NME9: variants seen among roughly 807,000 people sequenced by gnomAD.
The protein encoded by NME9 is NME/NM23 family member 9.
In NME9, 48 loss-of-function variants were observed where a neutral mutation model predicts 44.4. That is an observed-to-expected ratio of 1.08 (90% CI 0.86 to 1.37). The LOEUF (loss-of-function observed/expected upper bound fraction) is 1.37. NME9 is among the 40% of genes most tolerant of loss of function. NME9 has a pLI of 0.00. For synonymous variants in NME9, 139 were observed against 147.1 expected, an observed-to-expected ratio of 0.94 and a Z score of 0.40; for missense variants, 325 against 405.2, an observed-to-expected ratio of 0.80 and a Z score of 1.70.
chr3:138,305,920 C>G, intron 8 of NME9, 84 bp downstream of exon 8: 1 of 943,508 alleles, frequency 1.1e-6, no homozygotes, highest in African/African-American at 1.6e-5. Context: ...TTTCTTCTGT[C>G]ACAAACTGAT....
At chr3:138,294,199 G>A (rs1010231654) in intron 8 of NME9, among the ~76,000 whole-genome samples, 22 of 152,174 alleles carry the variant, frequency 1.4e-4, no homozygotes, top group Admixed American at 9.8e-4. Flanking sequence ...ATCACCTGAA[G>A]AATATATCTC....
chr3:138,273,489 A>T (rs913340416), intron 8 of NME9, among the ~76,000 whole-genome samples: 8 of 152,132 alleles, frequency 5.3e-5, no homozygotes, highest in Admixed American at 4.6e-4. Flanking sequence ...CTTTCCCTTT[A>T]GAGAATTCTC....
At chr3:138,323,574 C>T (rs1179946758) in intron 2 of NME9, among the ~76,000 whole-genome samples, 2 of 152,140 alleles carry the variant, frequency 1.3e-5, no homozygotes. Context: ...CATGACCACA[C>T]AGAGGTTCCA....
At chr3:138,281,831 C>T (rs1269721660) in intron 8 of NME9, among the ~76,000 whole-genome samples, 2 of 152,132 alleles carry the variant, frequency 1.3e-5, no homozygotes, top group Non-Finnish European at 2.9e-5. Context: ...GAGGGGGTAG[C>T]TGTTTTCTAG....
At chr3:138,299,342 C>T (rs2051722850), downstream of NME9, among the ~76,000 whole-genome samples, 1 of 152,130 alleles carries the variant, frequency 6.6e-6, no homozygotes, top group African/African-American at 2.4e-5. Context: ...AGAGCCAGTC[C>T]TTAAAACCAC....
chr3:138,318,561 C>T (rs6790420), intron 3 of NME9, among the ~76,000 whole-genome samples: 14,654 of 151,906 alleles, frequency 0.096, 2,318 homozygotes, highest in African/African-American at 0.33. Context: ...AGAAACCTGC[C>T]GCACATGGGC....
chr3:138,310,025 AAAG>A (rs1256646923), intron 6 of NME9, among the ~76,000 whole-genome samples: 8 of 152,092 alleles, frequency 5.3e-5, no homozygotes, highest in Non-Finnish European at 8.8e-5. Context: ...CAAAAAAAAA[AAAG>A]AAAAGAAACC....
rs202005134 is a variant in NME9 at position 138,306,033 on chromosome 3, G to A, written c.607C>T (p.Arg203Ter). 14 of 1,613,282 alleles carry A rather than the reference G, an allele frequency of 8.7e-6. No individual in the cohort carries two copies. Among genetic ancestry groups the A allele is most frequent in the East Asian group, 6.7e-5 (3 of 44,874 alleles). The change falls in exon 8 of 11, where the codon CGA becomes TGA. Residue 203 changes from arginine (R) to a stop codon, truncating the protein, a stop_gained. Coordinates refer to ENST00000333911, the MANE Select transcript of NME9 (RefSeq NM_001349018.2). LOFTEE classifies it high-confidence loss of function. Reference protein sequence around the residue: ...EERTMTEAEVRLFYQHKAGEE... With the variant: ...EERTMTEAEV Reference sequence around the variant, plus strand: ...CCAGCTTTGTGTTGGTAGAAAAGTCGCACTTCTGCCTCTGTCATGGTTCTC... The same window carrying A: ...CCAGCTTTGTGTTGGTAGAAAAGTCACACTTCTGCCTCTGTCATGGTTCTC...
At chr3:138,308,036 GAGGAAGGCTA>G (rs888425501) in intron 6 of NME9, among the ~76,000 whole-genome samples, 4 of 152,192 alleles carry the variant, frequency 2.6e-5, no homozygotes, top group African/African-American at 9.6e-5. Context: ...CTGTGAATAA[GAGGAAGGCTA>G]AGGAAGGGTA....
rs550097862 is a variant in NME9 at position 138,262,676 on chromosome 3, A to G, written c.746-90T>C. 1.9e-3 allele frequency: 2,378 copies of G among 1,284,950 alleles called. 20 individuals are homozygous for G. The Middle Eastern group carries it at 0.022, about 12-fold the overall frequency. 79.6% of individuals were successfully genotyped at this position (1,284,950 alleles called of 1,614,324 possible). A position where few individuals can be genotyped will look rare whatever the true frequency, so the allele number is the denominator to read the frequency against. On this transcript the variant is annotated intron_variant, in intron 8 of 8. Coordinates refer to the NME9 transcript ENST00000317876. ...AATTGGTCTGCTGTATGGCCTGGAC[A>G]TAGGATTAAAAAAAAAAATCTCCCC...
chr3:138,301,022 T>C lies in NME9; in HGVS notation c.*618A>G. On this transcript the variant is annotated 3_prime_UTR_variant, in exon 11 of 11. Transcript: ENST00000333911. ...TGTTTAATTCATAAGGTAGATTTAT[T>C]GTTGGGGAAACACCATCTCATATAA... 1 of 974,440 alleles carries C rather than the reference T, an allele frequency of 1.0e-6. No homozygotes were observed. 60.4% of individuals were successfully genotyped at this position (974,440 alleles called of 1,614,324 possible).
chr3:138,290,697 G>A (rs2108386245), intron 8 of NME9: 1 of 1,131,658 alleles, frequency 8.8e-7, no homozygotes, highest in Non-Finnish European at 1.3e-6. Context: ...TTCGTGAAAG[G>A]GTTTGAATTG....
At chr3:138,283,382 G>A (rs1439839408) in intron 8 of NME9, among the ~76,000 whole-genome samples, 2 of 152,180 alleles carry the variant, frequency 1.3e-5, no homozygotes, top group African/African-American at 4.8e-5. Context: ...ATTCCTGACT[G>A]GGTTCCAGGA....
chr3:138,303,951 G>A (rs1029850587), intron 9 of NME9, among the ~76,000 whole-genome samples: 8 of 152,172 alleles, frequency 5.3e-5, no homozygotes, highest in African/African-American at 1.9e-4. Context: ...TGTAAGCACA[G>A]GAGCTGCCAT....
chr3:138,318,840 A>C (rs2053274455), intron 3 of NME9, among the ~76,000 whole-genome samples: 1 of 152,184 alleles, frequency 6.6e-6, no homozygotes, highest in Non-Finnish European at 1.5e-5. Flanking sequence ...TATGGTGCAG[A>C]GGATGGAAAT....
chr3:138,286,082 T>C (rs984665987), intron 8 of NME9, among the ~76,000 whole-genome samples: 1 of 152,138 alleles, frequency 6.6e-6, no homozygotes, highest in Non-Finnish European at 1.5e-5. Context: ...TAGCTGGGAT[T>C]ACAGGCGCGG....
intron 8 of NME9, among the ~76,000 whole-genome samples, chr3:138,282,635 CAAAAAAAAAAAA>C (rs760470914): frequency 4.2e-5 from 2 of 47,512 alleles, no homozygotes; most frequent in African/African-American, 1.4e-4. Flanking sequence ...GACTCCATCT[CAAAAAAAAAAAA>C]AAAAAAAAGG....
intron 8 of NME9, among the ~76,000 whole-genome samples, chr3:138,278,544 T>G (rs1260902190): frequency 6.6e-6 from 1 of 152,114 alleles, no homozygotes; most frequent in Non-Finnish European, 1.5e-5. Context: ...ATAAAATTAC[T>G]ACCAAAAGAG....
At chr3:138,269,966 C>T in intron 8 of NME9, 2 of 958,276 alleles carry the variant, frequency 2.1e-6, no homozygotes, top group Admixed American at 2.0e-5. Flanking sequence ...TCACAAAGTG[C>T]CAAGGTATAT....
Sources: gnomAD v4.1 joint callset for allele counts (sites outside exome capture counted in the v4.1 genomes callset) on GRCh38, gnomAD v4.1.1 for gene constraint, MANE v1.5 for transcripts, NCBI Gene and HGNC (gene_info 2026-07-23, HGNC 2026-07-21) for gene names.